RNF145: variants seen among roughly 807,000 people sequenced by gnomAD.
The protein encoded by RNF145 is ring finger protein 145.
Under a neutral mutation model 57.3 loss-of-function variants are expected in RNF145, and 12 were observed. The observed-to-expected ratio is 0.21, with a 90% CI of 0.13 to 0.34. The LOEUF is 0.34. RNF145 is among the 10% of genes least tolerant of loss of function. The pLI is 1.00. For synonymous variants in RNF145, 262 were observed against 288.3 expected, an observed-to-expected ratio of 0.91 and a Z score of 0.92; for missense variants, 429 against 799.0, an observed-to-expected ratio of 0.54 and a Z score of 5.58.
rs901514628 is a variant in RNF145, at chr5:159,158,963, C to T, written c.1699G>A (p.Val567Ile). 5 of 1,613,736 alleles carry T rather than the reference C, an allele frequency of 3.1e-6. No individual in the cohort carries two copies. The highest frequency in any genetic ancestry group is 1.1e-5 in the South Asian group (1 of 91,074). ...TGGCACAGAGGGCAGGTCTCCTGGACATACAGCCATTTCTTAAGACAGCCT... is the reference window on the plus strand; with the variant it reads ...TGGCACAGAGGGCAGGTCTCCTGGATATACAGCCATTTCTTAAGACAGCCT... ...HAGCLKKWLYVQETCPLCHCH... is the reference protein window; with the variant it reads ...HAGCLKKWLYIQETCPLCHCH... The change falls in exon 11 of 11, where the codon GTC (valine) becomes ATC (isoleucine). Residue 567 changes from valine to isoleucine, a missense_variant. Physicochemically the swap from Val to Ile is conservative, Grantham distance 29. Transcript: ENST00000424310.
In RNF145 at chr5:159,157,666, C is replaced by A. The variant is rs1784085735; in HGVS notation, c.*1004G>T. The A allele has an allele frequency of 6.5e-6, 1 of 152,712 alleles. No homozygotes were observed. Among genetic ancestry groups the A allele is most frequent in the African/African-American group, 2.4e-5 (1 of 41,444 alleles). 9.5% of individuals were successfully genotyped at this position (152,712 alleles called of 1,614,324 possible). A position where few individuals can be genotyped will look rare whatever the true frequency, so the allele number is the denominator to read the frequency against. On this transcript the variant is annotated 3_prime_UTR_variant, in exon 11 of 11. Transcript: ENST00000424310. ...TGTAAAAATTTAAATATGACACATC[C>A]TTGTCAAAGAAAAGGTGCAAAGTCT... is the stretch of plus-strand genomic sequence containing the variant.
rs899075493 is a variant in RNF145, at chr5:159,174,300, C to T, written c.622-142G>A. The T allele has an allele frequency of 1.5e-4, 93 of 612,008 alleles. 1 individual carries two copies. Among genetic ancestry groups the T allele is most frequent in the Admixed American group, 2.3e-4 (7 of 30,884 alleles). The allele number at this position is 612,008 out of a possible 1,614,324, so 37.9% of individuals were successfully genotyped here. A position where few individuals can be genotyped will look rare whatever the true frequency, so the allele number is the denominator to read the frequency against. On this transcript the variant is annotated intron_variant, in intron 5 of 10. Transcript: ENST00000424310. Reference sequence around the variant, plus strand: ...TTCAGCTAAATTCCTTTAAAGTTAGCCTATATAGTTAATAAATAGCATGTT... The same window carrying T: ...TTCAGCTAAATTCCTTTAAAGTTAGTCTATATAGTTAATAAATAGCATGTT...
In RNF145 at chr5:159,158,641, A is replaced by G. The variant is rs144378739; in HGVS notation, c.*29T>C. The G allele has an allele frequency of 8.9e-5, 142 of 1,600,252 alleles. No individual in the cohort carries two copies. The African/African-American group carries it at 1.7e-3, about 19-fold the overall frequency. ...CTTGAGTTAACTTCTCCTCCAGAGT[A>G]TCAAAGCATCATTCCTGCTGCTTCT... On this transcript the variant is annotated 3_prime_UTR_variant, in exon 11 of 11. Coordinates refer to ENST00000424310, the MANE Select transcript of RNF145 (RefSeq NM_001199383.2).
chr5:159,192,748 T>G (rs1785329263), intron 3 of RNF145, among the ~76,000 whole-genome samples: 1 of 152,192 alleles, frequency 6.6e-6, no homozygotes, highest in African/African-American at 2.4e-5. Flanking sequence ...GGCTTATCCT[T>G]CTGGGAAATG....
At chr5:159,175,892 T>A (rs1323377662) in intron 5 of RNF145, among the ~76,000 whole-genome samples, 1 of 152,170 alleles carries the variant, frequency 6.6e-6, no homozygotes, top group Non-Finnish European at 1.5e-5. Flanking sequence ...TTTATACCAA[T>A]GTCAGGTTAA....
At position 159,209,402 on chromosome 5, in the gene RNF145, A is replaced by AGGCGGAGGCAGC; in HGVS notation, c.-223_-212dup. 1.0e-6 allele frequency: 1 copy of AGGCGGAGGCAGC among 981,674 alleles called. No individual in the cohort carries two copies. The highest frequency in any genetic ancestry group is 1.2e-6 in the Non-Finnish European group (1 of 827,226). The allele number at this position is 981,674 out of a possible 1,614,324, so 60.8% of individuals were successfully genotyped here. A position where few individuals can be genotyped will look rare whatever the true frequency, so the allele number is the denominator to read the frequency against. ...CGAGCCTCGGATGTTGCTTCTGGGG[A>AGGCGGAGGCAGC]GGCGGAGGCAGCGGCAGCGGCAGCG... On this transcript the variant is annotated 5_prime_UTR_variant, in exon 1 of 11. Coordinates refer to ENST00000424310, the MANE Select transcript of RNF145 (RefSeq NM_001199383.2).
intron 1 of RNF145, among the ~76,000 whole-genome samples, chr5:159,208,479 G>A (rs763103052): frequency 3.9e-5 from 6 of 152,024 alleles, no homozygotes; most frequent in African/African-American, 1.5e-4. Context: ...GAAGACAGAA[G>A]GGATGGCAAG....
Position 159,193,489 on chromosome 5 carries a change from T to C in RNF145, c.293+1227A>G, listed in dbSNP as rs1371906469. Among the ~76,000 whole-genome samples the C allele has an allele frequency of 4.6e-5, 7 of 152,342 alleles. No homozygotes were observed. The East Asian group carries it at 1.2e-3, about 25-fold the overall frequency. The stretch of plus-strand genomic sequence containing the variant: ...AAACATTAAAGAGAATTGGTGGTCC[T>C]GTTTCAACAAGAGGGGTGAAAAACC... On this transcript the variant is annotated intron_variant, in intron 3 of 10. Coordinates refer to ENST00000424310, the MANE Select transcript of RNF145 (RefSeq NM_001199383.2).
Position 159,157,969 on chromosome 5 carries a change from T to C in RNF145, c.*701A>G, listed in dbSNP as rs1007068687. ...TACAACATATTTAACAAAAGTTTCATATACATCAAAATACTGAAGACTCCG... is the reference window on the plus strand; with the variant it reads ...TACAACATATTTAACAAAAGTTTCACATACATCAAAATACTGAAGACTCCG... On this transcript the variant is annotated 3_prime_UTR_variant, in exon 11 of 11. Transcript: ENST00000424310. The C allele has an allele frequency of 5.9e-5, 9 of 152,776 alleles. No homozygotes were observed. Among genetic ancestry groups the C allele is most frequent in the African/African-American group, 2.2e-4 (9 of 41,446 alleles). 9.5% of individuals were successfully genotyped at this position (152,776 alleles called of 1,614,324 possible). A position where few individuals can be genotyped will look rare whatever the true frequency, so the allele number is the denominator to read the frequency against.
At chr5:159,207,331 G>A (rs954396699) in intron 1 of RNF145, 5 of 546,262 alleles carry the variant, frequency 9.2e-6, no homozygotes, top group Non-Finnish European at 1.6e-5. Context: ...TCTCTTATTT[G>A]AGTTCTTCAA....
intron 2 of RNF145, among the ~76,000 whole-genome samples, chr5:159,195,288 T>C (rs1216977609): frequency 6.6e-6 from 1 of 152,172 alleles, no homozygotes; most frequent in Non-Finnish European, 1.5e-5. Flanking sequence ...CATCACTCCT[T>C]ACCTTTGTTT....
chr5:159,164,174 T>C (rs1458858643), intron 8 of RNF145, among the ~76,000 whole-genome samples: 1 of 152,146 alleles, frequency 6.6e-6, no homozygotes, highest in African/African-American at 2.4e-5. Flanking sequence ...AGTTAATTAT[T>C]ATGGTAAAAA....
intron 9 of RNF145, among the ~76,000 whole-genome samples, chr5:159,162,223 T>C (rs1784239894): frequency 6.6e-6 from 1 of 152,186 alleles, no homozygotes; most frequent in South Asian, 2.1e-4. Context: ...CGTGGAACTA[T>C]TGGTATTTTT....
At chr5:159,166,677 G>A (rs1225015181) in intron 8 of RNF145, among the ~76,000 whole-genome samples, 1 of 152,128 alleles carries the variant, frequency 6.6e-6, no homozygotes, top group African/African-American at 2.4e-5. Context: ...CTATTCCACT[G>A]GTCTACCTTA....
chr5:159,208,123 C>T (rs1050731462), intron 1 of RNF145: 1 of 1,436,162 alleles, frequency 7.0e-7, no homozygotes, highest in African/African-American at 1.4e-5. Flanking sequence ...CTCCCCGCAC[C>T]TCCTCCCACA....
rs563344184 is a variant in RNF145, at chr5:159,180,668, A to G, written c.385+1292T>C. Among the ~76,000 whole-genome samples the G allele has an allele frequency of 5.6e-4, 85 of 152,274 alleles. 1 individual carries two copies. The highest frequency in any genetic ancestry group is 2.0e-3 in the African/African-American group (84 of 41,564). On this transcript the variant is annotated intron_variant, in intron 4 of 10. Transcript: ENST00000424310. The stretch of plus-strand genomic sequence containing the variant: ...AAAAGAAACAAGTGAAATCAACAAT[A>G]TATTTTATATAACCTAACATATCCT...
intron 3 of RNF145, among the ~76,000 whole-genome samples, chr5:159,184,729 T>C (rs1305779274): frequency 6.6e-6 from 1 of 152,240 alleles, no homozygotes; most frequent in Non-Finnish European, 1.5e-5. Flanking sequence ...TCCTATTTCA[T>C]ATGGTTATTA....
chr5:159,195,524 C>A (rs55801554), intron 2 of RNF145, among the ~76,000 whole-genome samples: 39,405 of 151,990 alleles, frequency 0.26, 5,613 homozygotes, highest in South Asian at 0.45. Flanking sequence ...TCAACGACTG[C>A]CTACTTATCA....
At chr5:159,176,008 T>A (rs914503075) in intron 5 of RNF145, among the ~76,000 whole-genome samples, 7 of 152,142 alleles carry the variant, frequency 4.6e-5, no homozygotes, top group African/African-American at 1.7e-4. Context: ...GAGCAAAGGC[T>A]GAAAAAAGTA....
Sources: allele counts gnomAD v4.1 joint callset (sites outside exome capture counted in the v4.1 genomes callset), GRCh38; gene constraint gnomAD v4.1.1; transcripts MANE v1.5; gene names NCBI Gene and HGNC (gene_info 2026-07-23, HGNC 2026-07-21).